CNTN1: variants seen among roughly 807,000 people sequenced by gnomAD.
The protein encoded by CNTN1 is contactin 1.
CNTN1 carries 38 observed loss-of-function variants against 126.4 expected under a neutral mutation model. The observed-to-expected ratio is 0.30, with a 90% CI of 0.23 to 0.39. The LOEUF (loss-of-function observed/expected upper bound fraction) is 0.39, where lower values mean the gene tolerates loss of function less well. CNTN1 is among the 10% of genes least tolerant of loss of function. The pLI is 1.00. For missense variants in CNTN1, 1,009 were observed against 1,248.4 expected, an observed-to-expected ratio of 0.81 and a Z score of 2.89; for synonymous variants, 413 against 422.6, an observed-to-expected ratio of 0.98 and a Z score of 0.28.
chr12:40,724,172 T>G (rs1942290975), intron 1 of CNTN1, among the ~76,000 whole-genome samples: 1 of 152,222 alleles, frequency 6.6e-6, no homozygotes, highest in Non-Finnish European at 1.5e-5. Flanking sequence ...ACATGTACCC[T>G]AGGCACTGTG....
chr12:41,016,892 G>A lies in CNTN1; in HGVS notation c.2395G>A (p.Ala799Thr), dbSNP rs1004191780. ...NKGDGPYSLV[A>T]VINSAQDAPS... ...AGGAGATGGACCTTACAGCCTAGTA[G>A]CAGTCATTAATTCAGCACAAGACGG... The change falls in exon 19 of 24, where the codon GCA becomes ACA. Residue 799 changes from alanine (A) to threonine (T), a missense_variant. By Grantham distance (58) the Ala-to-Thr change is moderately conservative (BLOSUM62 0). Coordinates refer to ENST00000551295, the MANE Select transcript of CNTN1 (RefSeq NM_001843.4). The A allele has an allele frequency of 7.9e-5, 127 of 1,613,964 alleles. No individual in the cohort carries two copies. The highest frequency in any genetic ancestry group is 1.1e-4 in the Non-Finnish European group (124 of 1,179,964).
chr12:41,029,540 A>G (rs1026861094), intron 23 of CNTN1, among the ~76,000 whole-genome samples: 1 of 152,330 alleles, frequency 6.6e-6, no homozygotes, highest in South Asian at 2.1e-4. Flanking sequence ...TAATCATTAT[A>G]CAATGTATAC....
At chr12:40,731,501 TA>T (rs1942500012) in intron 1 of CNTN1, among the ~76,000 whole-genome samples, 1 of 152,016 alleles carries the variant, frequency 6.6e-6, no homozygotes, top group East Asian at 1.9e-4. Flanking sequence ...CAGCACAATT[TA>T]AAAATATAAA....
intron 1 of CNTN1, among the ~76,000 whole-genome samples, chr12:40,736,690 G>T (rs1937701976): frequency 6.6e-6 from 1 of 151,968 alleles, no homozygotes; most frequent in Non-Finnish European, 1.5e-5. Context: ...AATAATTTCG[G>T]TAACTAACTC....
chr12:40,709,275 G>T (rs559926759), intron 1 of CNTN1, among the ~76,000 whole-genome samples: 1 of 152,158 alleles, frequency 6.6e-6, no homozygotes, highest in Non-Finnish European at 1.5e-5. Context: ...ATTTTGAAAA[G>T]ATTGTTTTTT....
chr12:40,899,682 G>A (rs1944539236), intron 1 of CNTN1, among the ~76,000 whole-genome samples: 2 of 152,114 alleles, frequency 1.3e-5, no homozygotes, highest in African/African-American at 2.4e-5. Context: ...TACTTACTAC[G>A]ACAATCCTTG....
intron 1 of CNTN1, among the ~76,000 whole-genome samples, chr12:40,706,115 T>C (rs12813240): frequency 4.3e-4 from 57 of 133,502 alleles, no homozygotes; most frequent in African/African-American, 1.5e-3. Flanking sequence ...TATATATAGA[T>C]ATATAGATAT....
intron 14 of CNTN1, among the ~76,000 whole-genome samples, chr12:40,951,714 T>TAAAAAAAAAAAAAAA (rs1294780787): frequency 1.3e-5 from 1 of 79,618 alleles, no homozygotes; most frequent in African/African-American, 5.9e-5. Context: ...GTCTCAAAAT[T>TAAAAAAAAAAAAAAA]TAAAAAAAAA....
At chr12:40,726,093 C>G (rs1942344957) in intron 1 of CNTN1, among the ~76,000 whole-genome samples, 1 of 151,834 alleles carries the variant, frequency 6.6e-6, no homozygotes, top group Non-Finnish European at 1.5e-5. Context: ...TGTTTAATGA[C>G]TAGGGAGGGG....
intron 17 of CNTN1, among the ~76,000 whole-genome samples, chr12:41,008,744 C>T (rs1197423651): frequency 6.6e-6 from 1 of 152,216 alleles, no homozygotes; most frequent in Non-Finnish European, 1.5e-5. Flanking sequence ...AACCTTCTGA[C>T]TTGTCCTAAA....
At chr12:40,920,986 C>T (rs937408811) in intron 4 of CNTN1, among the ~76,000 whole-genome samples, 1 of 152,102 alleles carries the variant, frequency 6.6e-6, no homozygotes, top group Non-Finnish European at 1.5e-5. Flanking sequence ...AAAATTGGAG[C>T]TGCCCAACAA....
chr12:40,951,785 C>T (rs1355533762), intron 14 of CNTN1, among the ~76,000 whole-genome samples: 1 of 148,666 alleles, frequency 6.7e-6, no homozygotes, highest in African/African-American at 2.5e-5. Context: ...AGAAAATGAC[C>T]TCAATTTTTT....
intron 1 of CNTN1, among the ~76,000 whole-genome samples, chr12:40,695,477 T>A (rs1397937192): frequency 6.6e-6 from 1 of 152,206 alleles, no homozygotes; most frequent in African/African-American, 2.4e-5. Flanking sequence ...AAATAGACAA[T>A]TTATATTTCT....
intron 15 of CNTN1, among the ~76,000 whole-genome samples, chr12:40,974,592 T>G (rs1947620800): frequency 6.6e-6 from 1 of 152,202 alleles, no homozygotes; most frequent in Non-Finnish European, 1.5e-5. Flanking sequence ...CATTTTTGAA[T>G]GTGATACTGA....
chr12:40,777,239 GTT>G lies in CNTN1; in HGVS notation c.-77+84658_-77+84659del, dbSNP rs537481140. On this transcript the variant is annotated intron_variant, in intron 1 of 23. Transcript: ENST00000551295. ...GATAGTCAGGGTATCTAATTACTAT[GTT>G]TTTTTTTTTTAATTCTCTATATCCA... Among the ~76,000 whole-genome samples, 196 of 144,546 alleles carry G rather than the reference GTT, an allele frequency of 1.4e-3. 1 individual carries two copies. The highest frequency in any genetic ancestry group is 4.7e-3 in the African/African-American group (187 of 39,720). 94.8% of individuals were successfully genotyped at this position (144,546 alleles called of 152,430 possible). A position where few individuals can be genotyped will look rare whatever the true frequency, so the allele number is the denominator to read the frequency against.
chr12:40,841,895 C>T (rs1942297912), intron 1 of CNTN1, among the ~76,000 whole-genome samples: 1 of 152,022 alleles, frequency 6.6e-6, no homozygotes, highest in Non-Finnish European at 1.5e-5. Flanking sequence ...GTCATCACTC[C>T]TATTCCACAT....
chr12:40,764,624 G>C (rs1476021321), intron 1 of CNTN1, among the ~76,000 whole-genome samples: 3 of 152,150 alleles, frequency 2.0e-5, no homozygotes, highest in African/African-American at 7.2e-5. Context: ...ACTCACAATT[G>C]CAAGTTTTAA....
intron 1 of CNTN1, among the ~76,000 whole-genome samples, chr12:40,824,807 C>T (rs1941556785): frequency 6.6e-6 from 1 of 152,106 alleles, no homozygotes; most frequent in Non-Finnish European, 1.5e-5. Context: ...TGAATCATTT[C>T]CCAATGCTCC....
chr12:40,929,784 A>G lies in CNTN1; in HGVS notation c.497-12A>G, dbSNP rs1317945138. 1 of 1,602,786 alleles carries G rather than the reference A, an allele frequency of 6.2e-7. No individual in the cohort carries two copies. Among genetic ancestry groups the G allele is most frequent in the Non-Finnish European group, 8.5e-7 (1 of 1,171,010 alleles). On this transcript the variant is annotated splice_polypyrimidine_tract_variant and intron_variant, in intron 6 of 23. Coordinates refer to ENST00000551295, the MANE Select transcript of CNTN1 (RefSeq NM_001843.4). Reference sequence around the variant, plus strand: ...AAGCACTTAATATTTAGAAGGCAATATTTTCTCCTAGATGATCTTAGCTAT... The same window carrying G: ...AAGCACTTAATATTTAGAAGGCAATGTTTTCTCCTAGATGATCTTAGCTAT...
Sources: gnomAD v4.1 joint callset for allele counts (sites outside exome capture counted in the v4.1 genomes callset) on GRCh38, gnomAD v4.1.1 for gene constraint, MANE v1.5 for transcripts, NCBI Gene and HGNC (gene_info 2026-07-23, HGNC 2026-07-21) for gene names.